Variants in JARID2 observed in about 807,000 individuals in gnomAD.
The protein encoded by JARID2 is jumonji and AT-rich interaction domain containing 2, also known as protein Jumonji.
Under a neutral mutation model 125.6 loss-of-function variants are expected in JARID2, and 21 were observed. That is an observed-to-expected ratio of 0.17 (90% CI 0.12 to 0.24). The LOEUF (loss-of-function observed/expected upper bound fraction) is 0.24. Among genes scored for constraint, JARID2 ranks in the 10% least tolerant of loss-of-function variants. The pLI, the probability that JARID2 is intolerant of heterozygous loss-of-function variation, is 1.00. For missense variants in JARID2, 1,303 were observed against 1,639.6 expected, an observed-to-expected ratio of 0.79 and a Z score of 3.55; for synonymous variants, 736 against 661.6, an observed-to-expected ratio of 1.11 and a Z score of -1.73.
intron 3 of JARID2, among the ~76,000 whole-genome samples, chr6:15,443,396 A>G (rs1230068301): frequency 6.6e-6 from 1 of 152,216 alleles, no homozygotes; most frequent in Non-Finnish European, 1.5e-5. Flanking sequence ...TTGTATTGCT[A>G]CTATTTAATC....
chr6:15,337,608 G>C (rs1762919811), intron 1 of JARID2, among the ~76,000 whole-genome samples: 1 of 152,206 alleles, frequency 6.6e-6, no homozygotes, highest in Non-Finnish European at 1.5e-5. Flanking sequence ...TCTGAACTGG[G>C]AAAAGACATA....
intron 1 of JARID2, among the ~76,000 whole-genome samples, chr6:15,312,851 A>C (rs1762059209): frequency 6.6e-6 from 1 of 152,192 alleles, no homozygotes; most frequent in African/African-American, 2.4e-5. Flanking sequence ...GAAAGAACCT[A>C]GTAACTGAGA....
At chr6:15,247,763 A>G in intron 1 of JARID2, 1 of 985,450 alleles carries the variant, frequency 1.0e-6, no homozygotes, top group Non-Finnish European at 1.2e-6. Context: ...AGACACGTCA[A>G]CTTCAACTAT....
rs912524974 is a variant in JARID2 at position 15,439,574 on chromosome 6, T to G, written c.324-12432T>G. ...CTGTCTACAGACAAGGAAAATGGGC[T>G]TAAGCAGGAGGGATTAATGAAGGAC... On this transcript the variant is annotated intron_variant, in intron 3 of 17. Coordinates refer to ENST00000341776, the MANE Select transcript of JARID2 (RefSeq NM_004973.4). 2.0e-5 allele frequency among the ~76,000 whole-genome samples: 3 copies of G among 152,230 alleles called. No homozygotes were observed. In the South Asian group the frequency reaches 6.2e-4, roughly 32 times the overall value.
chr6:15,513,516 C>T lies in JARID2; in HGVS notation c.3450+94C>T, dbSNP rs1017230456. On this transcript the variant is annotated intron_variant, in intron 16 of 17. Transcript: ENST00000341776. ...CAGAAGAGGGAGGGCGCTCTCTGCC[C>T]AGGAGACCTGCTGTGCTCCCATCTC... The T allele has an allele frequency of 1.4e-5, 17 of 1,197,604 alleles. No individual in the cohort carries two copies. In the African/African-American group the frequency reaches 2.3e-4, roughly 16 times the overall value. The allele number at this position is 1,197,604 out of a possible 1,614,324, so 74.2% of individuals were successfully genotyped here. A position where few individuals can be genotyped will look rare whatever the true frequency, so the allele number is the denominator to read the frequency against.
At chr6:15,263,310 T>A (rs775796175) in intron 1 of JARID2, among the ~76,000 whole-genome samples, 2 of 152,132 alleles carry the variant, frequency 1.3e-5, no homozygotes, top group Non-Finnish European at 2.9e-5. Context: ...TTGACTTTCT[T>A]GTGGTTACCT....
chr6:15,370,330 GTT>G (rs33981169), intron 1 of JARID2, among the ~76,000 whole-genome samples: 6,049 of 114,264 alleles, frequency 0.053, 126 homozygotes, highest in South Asian at 0.086. Context: ...TATCTGGGCT[GTT>G]TTTTTTTTTT....
chr6:15,260,437 C>T (rs915524681), intron 1 of JARID2, among the ~76,000 whole-genome samples: 8 of 152,168 alleles, frequency 5.3e-5, no homozygotes, highest in Admixed American at 1.3e-4. Flanking sequence ...GGAAAGGAAA[C>T]CTCCTTTAAA....
At chr6:15,403,834 A>G (rs1765539063) in intron 2 of JARID2, among the ~76,000 whole-genome samples, 1 of 152,126 alleles carries the variant, frequency 6.6e-6, no homozygotes, top group Admixed American at 6.5e-5. Flanking sequence ...TATAACAAAA[A>G]TATGTCCCCC....
chr6:15,272,787 G>A (rs1418355942), intron 1 of JARID2, among the ~76,000 whole-genome samples: 5 of 152,154 alleles, frequency 3.3e-5, no homozygotes, highest in Admixed American at 3.3e-4. Flanking sequence ...CTGTAAAATG[G>A]ATGTGATAAT....
intron 2 of JARID2, among the ~76,000 whole-genome samples, chr6:15,399,928 G>GTT (rs1317250087): frequency 1.3e-5 from 2 of 152,178 alleles, no homozygotes; most frequent in Admixed American, 1.3e-4. Context: ...ATCATTGCTG[G>GTT]TTGAAGTTCA....
chr6:15,263,686 G>A (rs1017776454), intron 1 of JARID2, among the ~76,000 whole-genome samples: 1 of 150,160 alleles, frequency 6.7e-6, no homozygotes, highest in Non-Finnish European at 1.5e-5. Flanking sequence ...TCCGCCTTCC[G>A]GATTCAAGTG....
At chr6:15,358,944 G>C (rs547543621) in intron 1 of JARID2, among the ~76,000 whole-genome samples, 1 of 152,336 alleles carries the variant, frequency 6.6e-6, no homozygotes, top group African/African-American at 2.4e-5. Context: ...CAATGTGAGG[G>C]TGAGGAAGTC....
intron 1 of JARID2, among the ~76,000 whole-genome samples, chr6:15,350,998 G>GT (rs949323589): frequency 1.4e-5 from 2 of 144,708 alleles, no homozygotes; most frequent in Non-Finnish European, 3.0e-5. Context: ...AGATTTCAAA[G>GT]TAAAAAAAAA....
chr6:15,256,072 AG>A, intron 1 of JARID2, among the ~76,000 whole-genome samples: 1 of 152,184 alleles, frequency 6.6e-6, no homozygotes, highest in South Asian at 2.1e-4. Flanking sequence ...TGGGAGAGGC[AG>A]GGGAATTTTT....
chr6:15,396,638 C>T (rs1472002631), intron 2 of JARID2, among the ~76,000 whole-genome samples: 2 of 152,134 alleles, frequency 1.3e-5, no homozygotes, highest in East Asian at 1.9e-4. Context: ...GCATTCACGT[C>T]CTGGGCAGGA....
intron 2 of JARID2, among the ~76,000 whole-genome samples, chr6:15,401,866 G>A (rs1383649816): frequency 2.7e-5 from 4 of 149,298 alleles, no homozygotes; most frequent in Non-Finnish European, 5.9e-5. Flanking sequence ...CTGGGAGGCA[G>A]TAGGCCTTTC....
intron 1 of JARID2, among the ~76,000 whole-genome samples, chr6:15,290,360 T>C (rs1454916183): frequency 2.0e-5 from 3 of 152,222 alleles, no homozygotes; most frequent in Non-Finnish European, 4.4e-5. Flanking sequence ...TGTTCAAGAC[T>C]CTTTGTAGTC....
intron 1 of JARID2, among the ~76,000 whole-genome samples, chr6:15,350,436 G>A (rs753474925): frequency 2.0e-5 from 3 of 152,126 alleles, no homozygotes; most frequent in Non-Finnish European, 4.4e-5. Flanking sequence ...TCAGGTGTTC[G>A]TCTTCATTAG....
Sources: gnomAD v4.1 joint callset for allele counts (sites outside exome capture counted in the v4.1 genomes callset) on GRCh38, gnomAD v4.1.1 for gene constraint, MANE v1.5 for transcripts, NCBI Gene and HGNC (gene_info 2026-07-23, HGNC 2026-07-21) for gene names.